Variants in SUMF1 observed in about 807,000 individuals in gnomAD.
SUMF1 encodes formylglycine-generating enzyme.
SUMF1 carries 48 observed loss-of-function variants against 47.6 expected under a neutral mutation model. The observed-to-expected ratio is 1.01, with a 90% CI of 0.80 to 1.28. The LOEUF (loss-of-function observed/expected upper bound fraction) is 1.28. Ranked by LOEUF, SUMF1 falls within the 50% of genes most tolerant of loss-of-function variation. The pLI, the probability that SUMF1 is intolerant of heterozygous loss-of-function variation, is 0.00. For synonymous variants in SUMF1, 230 were observed against 192.1 expected (o/e 1.20, Z -1.63); for missense variants, 571 against 485.4 (o/e 1.18, Z -1.66).
intron 8 of SUMF1, among the ~76,000 whole-genome samples, chr3:4,196,429 T>C (rs1342841988): frequency 6.6e-6 from 1 of 152,046 alleles, no homozygotes; most frequent in African/African-American, 2.4e-5. Flanking sequence ...TGGTACACAG[T>C]GAGTGCACTG....
At chr3:4,248,766 G>C (rs1212573737) in intron 8 of SUMF1, among the ~76,000 whole-genome samples, 1 of 152,178 alleles carries the variant, frequency 6.6e-6, no homozygotes, top group African/African-American at 2.4e-5. Flanking sequence ...AAGAAAAAGA[G>C]AACTATAGAC....
At chr3:4,433,277 A>G (rs1306305647) in intron 3 of SUMF1, among the ~76,000 whole-genome samples, 1 of 152,184 alleles carries the variant, frequency 6.6e-6, no homozygotes, top group African/African-American at 2.4e-5. Flanking sequence ...AGGTCACATT[A>G]AACAGGTATT....
intron 8 of SUMF1, among the ~76,000 whole-genome samples, chr3:4,168,812 C>A (rs766586666): frequency 6.6e-6 from 1 of 152,106 alleles, no homozygotes; most frequent in Non-Finnish European, 1.5e-5. Context: ...TAGCACAGTG[C>A]TGAACACCCA....
chr3:4,086,371 G>A (rs1236377573), intron 8 of SUMF1, among the ~76,000 whole-genome samples: 3 of 151,784 alleles, frequency 2.0e-5, no homozygotes, highest in Non-Finnish European at 2.9e-5. Flanking sequence ...CACCTCTCCG[G>A]GACTTATTTT....
At chr3:4,101,632 G>C (rs1237001932) in intron 8 of SUMF1, among the ~76,000 whole-genome samples, 1 of 152,076 alleles carries the variant, frequency 6.6e-6, no homozygotes, top group Non-Finnish European at 1.5e-5. Context: ...GTAGCTAAAA[G>C]AGAGTATTTT....
At chr3:4,107,468 T>C (rs1693184866) in intron 8 of SUMF1, among the ~76,000 whole-genome samples, 1 of 152,134 alleles carries the variant, frequency 6.6e-6, no homozygotes, top group Admixed American at 6.5e-5. Context: ...CTGATATCCA[T>C]GGTTTCTGAC....
intron 8 of SUMF1, among the ~76,000 whole-genome samples, chr3:4,180,549 G>T (rs1010614459): frequency 6.6e-6 from 1 of 151,990 alleles, no homozygotes; most frequent in African/African-American, 2.4e-5. Context: ...GTCATGGGGT[G>T]GGGGGCTGGG....
chr3:4,366,156 C>T (rs1699949192), intron 8 of SUMF1, among the ~76,000 whole-genome samples: 1 of 151,784 alleles, frequency 6.6e-6, no homozygotes, highest in African/African-American at 2.4e-5. Context: ...AGCATTTTTT[C>T]CTTCATTTCA....
chr3:4,392,713 A>G (rs1252872793), intron 7 of SUMF1, among the ~76,000 whole-genome samples: 1 of 151,240 alleles, frequency 6.6e-6, no homozygotes, highest in Non-Finnish European at 1.5e-5. Context: ...ACTCTTGATT[A>G]CCCTATTTTC....
intron 8 of SUMF1, among the ~76,000 whole-genome samples, chr3:4,309,264 A>G (rs532771814): frequency 6.6e-6 from 1 of 152,160 alleles, no homozygotes; most frequent in African/African-American, 2.4e-5. Flanking sequence ...CCAAAAGGGA[A>G]GAGGGTATAA....
intron 8 of SUMF1, among the ~76,000 whole-genome samples, chr3:4,238,782 G>A (rs545416095): frequency 1.3e-5 from 2 of 152,268 alleles, no homozygotes; most frequent in East Asian, 3.9e-4. Context: ...AGTTTAATAA[G>A]ATCCCATTTG....
chr3:4,402,283 T>A (rs912421217), intron 7 of SUMF1, among the ~76,000 whole-genome samples: 2 of 152,176 alleles, frequency 1.3e-5, no homozygotes, highest in African/African-American at 4.8e-5. Context: ...CCTATCATAG[T>A]TACCTCACCA....
intron 8 of SUMF1, among the ~76,000 whole-genome samples, chr3:4,328,000 G>T (rs745470264): frequency 2.6e-4 from 39 of 152,130 alleles, no homozygotes; most frequent in Non-Finnish European, 7.4e-5. Context: ...AGGATCACTC[G>T]AGTCTAGGAA....
At chr3:4,409,790 G>T (rs1337592010) in intron 7 of SUMF1, among the ~76,000 whole-genome samples, 1 of 152,196 alleles carries the variant, frequency 6.6e-6, no homozygotes, top group African/African-American at 2.4e-5. Context: ...TCAAAAAGTA[G>T]ATCTGTTTTC....
chr3:4,195,715 C>T (rs528208332), intron 8 of SUMF1, among the ~76,000 whole-genome samples: 1 of 152,106 alleles, frequency 6.6e-6, no homozygotes, highest in Non-Finnish European at 1.5e-5. Flanking sequence ...TTTATTTAAT[C>T]AGAGACACTA....
intron 8 of SUMF1, among the ~76,000 whole-genome samples, chr3:4,333,339 G>A (rs1310171509): frequency 2.0e-5 from 3 of 152,194 alleles, no homozygotes; most frequent in Non-Finnish European, 2.9e-5. Flanking sequence ...TTCGAGCAGC[G>A]GTGGTGACCA....
chr3:4,419,539 TG>T (rs1275992110), intron 4 of SUMF1, among the ~76,000 whole-genome samples: 1 of 152,164 alleles, frequency 6.6e-6, no homozygotes, highest in African/African-American at 2.4e-5. Context: ...ATTATTTCCT[TG>T]CCACCCTGGA....
chr3:4,350,333 G>C (rs918092485), intron 8 of SUMF1, among the ~76,000 whole-genome samples: 1 of 75,398 alleles, frequency 1.3e-5, no homozygotes, highest in African/African-American at 1.2e-4. Flanking sequence ...GTGTATATGC[G>C]TGTGTGTGTG....
At chr3:4,059,722 C>T (rs1003499205) in intron 9 of SUMF1, among the ~76,000 whole-genome samples, 4 of 150,010 alleles carry the variant, frequency 2.7e-5, no homozygotes. Flanking sequence ...GAGGCATTAA[C>T]GCATAATCAC....
Sources: gnomAD v4.1 joint callset for allele counts (sites outside exome capture counted in the v4.1 genomes callset) on GRCh38, gnomAD v4.1.1 for gene constraint, MANE v1.5 for transcripts, NCBI Gene and HGNC (gene_info 2026-07-23, HGNC 2026-07-21) for gene names.